TGFA: variants seen among roughly 807,000 people sequenced by gnomAD.
TGFA encodes transforming growth factor alpha.
In TGFA, 12 loss-of-function variants were observed where a neutral mutation model predicts 21.7. That is an observed-to-expected ratio of 0.55 (90% confidence interval 0.35 to 0.90). The LOEUF (loss-of-function observed/expected upper bound fraction) is 0.90, where lower values mean the gene tolerates loss of function less well. TGFA is among the 40% of genes least tolerant of loss of function. The pLI is 0.01. For synonymous variants in TGFA, 79 were observed against 88.1 expected, an observed-to-expected ratio of 0.90 and a Z score of 0.58; for missense variants, 178 against 210.8, an observed-to-expected ratio of 0.84 and a Z score of 0.96.
intron 4 of TGFA, among the ~76,000 whole-genome samples, chr2:70,454,429 G>A (rs1317869164): frequency 6.6e-6 from 1 of 152,256 alleles, no homozygotes; most frequent in Non-Finnish European, 1.5e-5. Flanking sequence ...AGAGCAGTGT[G>A]CCTGGGCACG....
intron 2 of TGFA, among the ~76,000 whole-genome samples, chr2:70,499,930 T>C (rs1453780405): frequency 6.6e-6 from 1 of 152,230 alleles, no homozygotes; most frequent in Non-Finnish European, 1.5e-5. Flanking sequence ...AGTAATTCTA[T>C]ATATTCTAGT....
rs1422790916 is a variant in TGFA at position 70,449,440 on chromosome 2, A to T, written c.*1419T>A. 6.4e-6 allele frequency: 1 copy of T among 155,488 alleles called. No individual in the cohort carries two copies. The highest frequency in any genetic ancestry group is 1.5e-5 in the Non-Finnish European group (1 of 68,792). The allele number at this position is 155,488 out of a possible 1,614,324, so 9.6% of individuals were successfully genotyped here. On this transcript the variant is annotated 3_prime_UTR_variant, in exon 6 of 6. Transcript: ENST00000295400. ...TTACTCTGTTTCCAAATTTTAATGAAAATTCCTAGGGATGAGCTATCCACT... is the reference window on the plus strand; with the variant it reads ...TTACTCTGTTTCCAAATTTTAATGATAATTCCTAGGGATGAGCTATCCACT...
At chr2:70,484,968 C>A (rs577106921) in intron 2 of TGFA, among the ~76,000 whole-genome samples, 2 of 152,314 alleles carry the variant, frequency 1.3e-5, no homozygotes, top group South Asian at 2.1e-4. Flanking sequence ...TTCTCCAGTG[C>A]CCACAGGATC....
chr2:70,532,216 T>A (rs1181030712), intron 1 of TGFA, among the ~76,000 whole-genome samples: 2 of 152,136 alleles, frequency 1.3e-5, no homozygotes, highest in African/African-American at 4.8e-5. Context: ...ACGAAACCAT[T>A]TATGGGAGAA....
intron 1 of TGFA, among the ~76,000 whole-genome samples, chr2:70,549,727 G>A (rs1292963640): frequency 6.6e-6 from 1 of 152,170 alleles, no homozygotes; most frequent in African/African-American, 2.4e-5. Context: ...AAGGTCCTTA[G>A]GCCTAATGGA....
At chr2:70,551,074 A>AATG (rs70956978) in intron 1 of TGFA, among the ~76,000 whole-genome samples, 2 of 151,858 alleles carry the variant, frequency 1.3e-5, no homozygotes, top group Non-Finnish European at 2.9e-5. Flanking sequence ...TAACAACAAC[A>AATG]ATGATGATGA....
Position 70,495,882 on chromosome 2 carries a change from T to C in TGFA, c.94+18977A>G, listed in dbSNP as rs138146495. ...TATATTTTTAATTGGTTATTGATGG[T>C]TTATAGGAAAACTACTGACTGTTTT... On this transcript the variant is annotated intron_variant, in intron 2 of 5. Coordinates refer to ENST00000295400, the MANE Select transcript of TGFA (RefSeq NM_003236.4). 5.0e-3 allele frequency among the ~76,000 whole-genome samples: 756 copies of C among 152,310 alleles called. 11 individuals carry two copies. Among genetic ancestry groups the C allele is most frequent in the African/African-American group, 0.017 (704 of 41,554 alleles).
In TGFA at chr2:70,456,344, C is replaced by A; in HGVS notation, c.360G>T (p.Leu120=). The change falls in exon 4 of 6, where the codon CTG becomes CTT. Residue 120 remains leucine (L), a synonymous_variant. Transcript: ENST00000295400. ...TAGGGGCAGCAAGTACTCACTGTAT[C>A]AGCACACATGTGATGATAAGGACAG... ...ALAVLIITCV[L]IHCCQVRKHC... 1 of 1,555,940 alleles carries A rather than the reference C, an allele frequency of 6.4e-7. No individual in the cohort carries two copies. The highest frequency in any genetic ancestry group is 1.9e-5 in the Admixed American group (1 of 51,732).
chr2:70,462,285 A>C (rs887051128), intron 3 of TGFA, among the ~76,000 whole-genome samples: 47 of 152,232 alleles, frequency 3.1e-4, no homozygotes, highest in African/African-American at 1.1e-3. Context: ...AAAAGGGATA[A>C]GGTGTGGTTC....
chr2:70,521,617 GTTTT>G (rs35177436), intron 1 of TGFA, among the ~76,000 whole-genome samples: 2 of 87,096 alleles, frequency 2.3e-5, no homozygotes, highest in Non-Finnish European at 4.1e-5. Context: ...TTGTTTGTTT[GTTTT>G]TTTTTTTTTT....
At chr2:70,526,098 G>C (rs1672626137) in intron 1 of TGFA, among the ~76,000 whole-genome samples, 1 of 152,180 alleles carries the variant, frequency 6.6e-6, no homozygotes, top group South Asian at 2.1e-4. Flanking sequence ...ACTCATTAGA[G>C]CCTTGAAAAT....
intron 2 of TGFA, among the ~76,000 whole-genome samples, chr2:70,480,628 A>T (rs1671086551): frequency 6.6e-6 from 1 of 151,868 alleles, no homozygotes; most frequent in Admixed American, 6.6e-5. Context: ...GTGCCTCGCC[A>T]CCCCCACCAA....
At chr2:70,466,874 C>A (rs1250631863) in intron 2 of TGFA, among the ~76,000 whole-genome samples, 1 of 152,160 alleles carries the variant, frequency 6.6e-6, no homozygotes, top group African/African-American at 2.4e-5. Context: ...GAGATCATGT[C>A]CTTTGCAGGG....
chr2:70,553,399 A>G, intron 1 of TGFA: 8 of 1,449,164 alleles, frequency 5.5e-6, no homozygotes, highest in African/African-American at 1.4e-5. Flanking sequence ...CCAGGTAAGC[A>G]GGTAGGTGTA....
chr2:70,450,824 A>ACCTGG lies in TGFA; in HGVS notation c.*34_*35insCCAGG, dbSNP rs782198691. The ACCTGG allele has an allele frequency of 6.2e-7, 1 of 1,607,632 alleles. No individual in the cohort carries two copies. The highest frequency in any genetic ancestry group is 8.5e-7 in the Non-Finnish European group (1 of 1,176,580). On this transcript the variant is annotated 3_prime_UTR_variant, in exon 6 of 6. Coordinates refer to ENST00000295400, the MANE Select transcript of TGFA (RefSeq NM_003236.4). ...AGAAGCCTTTCTTTATTGATCTGCC[A>ACCTGG]CAGTCCACCTGGCCAAACTCCTCCT...
chr2:70,466,732 C>T (rs552529725), intron 2 of TGFA, among the ~76,000 whole-genome samples: 20 of 152,224 alleles, frequency 1.3e-4, no homozygotes, highest in African/African-American at 4.1e-4. Context: ...TACACACATG[C>T]GTCTGTTCGT....
intron 2 of TGFA, among the ~76,000 whole-genome samples, chr2:70,491,509 G>A (rs1671434686): frequency 6.6e-6 from 1 of 152,198 alleles, no homozygotes; most frequent in Admixed American, 6.5e-5. Flanking sequence ...TCTCTGGATT[G>A]TGAACTGGCC....
At chr2:70,505,487 C>G (rs1553500013) in intron 2 of TGFA, among the ~76,000 whole-genome samples, 1 of 152,046 alleles carries the variant, frequency 6.6e-6, no homozygotes, top group Non-Finnish European at 1.5e-5. Flanking sequence ...CTAAGAGCAC[C>G]AGGAAGATGC....
chr2:70,457,625 T>C (rs1553490808), intron 3 of TGFA, among the ~76,000 whole-genome samples: 1 of 150,600 alleles, frequency 6.6e-6, no homozygotes, highest in Non-Finnish European at 1.5e-5. Flanking sequence ...CACTGCAACC[T>C]CCGTCTCCTG....
Sources: gnomAD v4.1 joint callset for allele counts (sites outside exome capture counted in the v4.1 genomes callset) on GRCh38, gnomAD v4.1.1 for gene constraint, MANE v1.5 for transcripts, NCBI Gene and HGNC (gene_info 2026-07-23, HGNC 2026-07-21) for gene names.